PDE4D: variants seen among roughly 807,000 people sequenced by gnomAD.
PDE4D encodes phosphodiesterase 4D.
A neutral mutation model predicts 87.4 loss-of-function variants in PDE4D; 24 were observed. The ratio of observed to expected loss-of-function variants is 0.27; its 90% confidence interval spans 0.20 to 0.39. The LOEUF (loss-of-function observed/expected upper bound fraction) is 0.39, where lower values mean the gene tolerates loss of function less well. Ranked by LOEUF, PDE4D falls within the 10% of genes least tolerant of loss-of-function variation. The pLI is 1.00. For missense variants in PDE4D, 714 were observed against 1,041.0 expected (o/e 0.69, Z 4.32); for synonymous variants, 384 against 383.2 (o/e 1.00, Z -0.02).
At chr5:59,070,216 G>T (rs911746730) in intron 5 of PDE4D, among the ~76,000 whole-genome samples, 24 of 152,084 alleles carry the variant, frequency 1.6e-4, no homozygotes, top group African/African-American at 4.8e-4. Context: ...GTTTCAATTT[G>T]AACTTATTAC....
In PDE4D at chr5:59,422,068, CCAGTAAGAGTACAAAAATAGG is replaced by C. The variant is rs1448076923; in HGVS notation, c.456-206121_456-206101del. ...CAACTGCTCAAAAGGAGACAAGAACCCAGTAAGAGTACAAAAATAGGCACCTAACATAGTCTGAGCGTTTGG... is the reference window on the plus strand; with the variant it reads ...CAACTGCTCAAAAGGAGACAAGAACCCACCTAACATAGTCTGAGCGTTTGG... On this transcript the variant is annotated intron_variant, in intron 1 of 14. Coordinates refer to ENST00000340635, the MANE Select transcript of PDE4D (RefSeq NM_001104631.2). Among the ~76,000 whole-genome samples the C allele has an allele frequency of 3.9e-5, 6 of 152,126 alleles. No individual in the cohort carries two copies. The East Asian group carries it at 1.2e-3, about 29-fold the overall frequency.
At chr5:59,528,688 G>C (rs1156455598) in intron 1 of PDE4D, among the ~76,000 whole-genome samples, 1 of 152,202 alleles carries the variant, frequency 6.6e-6, no homozygotes, top group Non-Finnish European at 1.5e-5. Flanking sequence ...ACAAAAGGAG[G>C]TTATGAGATA....
At chr5:60,464,140 C>T (rs994216416) in intron 1 of PDE4D, among the ~76,000 whole-genome samples, 1 of 152,046 alleles carries the variant, frequency 6.6e-6, no homozygotes, top group African/African-American at 2.4e-5. Context: ...TCAATGTCTC[C>T]AGGAAGCCAT....
chr5:59,255,850 C>A (rs991764500), intron 1 of PDE4D, among the ~76,000 whole-genome samples: 4 of 151,858 alleles, frequency 2.6e-5, no homozygotes, highest in Non-Finnish European at 4.4e-5. Context: ...AAAAATAATA[C>A]AATAGTAAAT....
chr5:60,289,012 A>G (rs2149766827), intron 1 of PDE4D, among the ~76,000 whole-genome samples: 1 of 152,304 alleles, frequency 6.6e-6, no homozygotes, highest in South Asian at 2.1e-4. Context: ...AACATGTATA[A>G]CTATATTTGA....
At chr5:59,295,016 CT>C (rs1768780684) in intron 1 of PDE4D, among the ~76,000 whole-genome samples, 1 of 152,118 alleles carries the variant, frequency 6.6e-6, no homozygotes, top group African/African-American at 2.4e-5. Context: ...GTTTCAGATA[CT>C]GATAGAAAAT....
chr5:59,946,700 C>A (rs968279843), intron 3 of PDE4D, among the ~76,000 whole-genome samples: 1 of 152,202 alleles, frequency 6.6e-6, no homozygotes, highest in African/African-American at 2.4e-5. Context: ...CAGACCCAGG[C>A]CTTCACTTGC....
intron 1 of PDE4D, among the ~76,000 whole-genome samples, chr5:59,472,953 A>G (rs1802680208): frequency 2.0e-5 from 3 of 152,046 alleles, no homozygotes; most frequent in Admixed American, 2.0e-4. Context: ...TCTCTCTTTA[A>G]TCCCATCAGA....
At chr5:60,492,395 G>T (rs1749580957), upstream of PDE4D, among the ~76,000 whole-genome samples, 1 of 152,140 alleles carries the variant, frequency 6.6e-6, no homozygotes, top group African/African-American at 2.4e-5. Flanking sequence ...CTATGGTTGT[G>T]CTATTGCACT....
At chr5:59,812,109 T>C (rs1247248886) in intron 1 of PDE4D, among the ~76,000 whole-genome samples, 1 of 152,208 alleles carries the variant, frequency 6.6e-6, no homozygotes, top group Non-Finnish European at 1.5e-5. Flanking sequence ...TCTACTATGT[T>C]CTCCTGAGCC....
At chr5:59,531,602 G>C (rs1477957062) in intron 1 of PDE4D, among the ~76,000 whole-genome samples, 1 of 152,188 alleles carries the variant, frequency 6.6e-6, no homozygotes, top group Non-Finnish European at 1.5e-5. Context: ...AGTGGGCTAA[G>C]GGAGAATCTG....
intron 1 of PDE4D, among the ~76,000 whole-genome samples, chr5:60,352,397 C>T (rs763401261): frequency 2.0e-5 from 3 of 152,208 alleles, no homozygotes; most frequent in South Asian, 4.1e-4. Flanking sequence ...AAAGTATTTT[C>T]TGCCACTTTT....
chr5:59,985,123 C>CTTTTTTTT (rs1561944275), intron 3 of PDE4D, among the ~76,000 whole-genome samples: 2 of 80,316 alleles, frequency 2.5e-5, no homozygotes, highest in East Asian at 1.4e-3. Context: ...CTTCACCTTT[C>CTTTTTTTT]GTTTTTTGTT....
intron 1 of PDE4D, among the ~76,000 whole-genome samples, chr5:60,235,245 T>C (rs533125492): frequency 6.6e-6 from 1 of 151,926 alleles, no homozygotes; most frequent in African/African-American, 2.4e-5. Flanking sequence ...TGTATTTTCT[T>C]ATTTATATTT....
intron 2 of PDE4D, among the ~76,000 whole-genome samples, chr5:59,202,211 T>C (rs1019811393): frequency 6.6e-6 from 1 of 151,900 alleles, no homozygotes; most frequent in African/African-American, 2.4e-5. Flanking sequence ...AGCTAATTTT[T>C]TTGTATTTTT....
At position 59,916,266 on chromosome 5, in the gene PDE4D, GA is replaced by G. The variant is rs1386345296; in HGVS notation, c.272+72221del. On this transcript the variant is annotated intron_variant, in intron 3 of 16. Transcript: ENST00000502484. Reference sequence around the variant, plus strand: ...ATGCAACAAGCTCACATGTCATCAGGAAATACTAATTAGCATTTTCTATAAC... The same window carrying G: ...ATGCAACAAGCTCACATGTCATCAGGAATACTAATTAGCATTTTCTATAAC... Among the ~76,000 whole-genome samples the G allele has an allele frequency of 6.6e-5, 10 of 152,244 alleles. 1 individual carries two copies. In the East Asian group the frequency reaches 1.5e-3, roughly 24 times the overall value.
intron 3 of PDE4D, among the ~76,000 whole-genome samples, chr5:59,979,016 T>G (rs1230127688): frequency 6.6e-6 from 1 of 152,220 alleles, no homozygotes; most frequent in Non-Finnish European, 1.5e-5. Context: ...ACATAAGTTT[T>G]ATATGCACTG....
chr5:59,460,515 A>ACAC (rs144251521), intron 1 of PDE4D, among the ~76,000 whole-genome samples: 3,034 of 152,248 alleles, frequency 0.02, 103 homozygotes, highest in African/African-American at 0.07. Flanking sequence ...AAGCAAGAGA[A>ACAC]CACCATGAGT....
chr5:60,382,643 C>T (rs1171866725), intron 1 of PDE4D, among the ~76,000 whole-genome samples: 5 of 152,276 alleles, frequency 3.3e-5, no homozygotes, highest in East Asian at 1.9e-4. Flanking sequence ...CCCATTTCAC[C>T]GGAAGAGGCA....
Sources: gnomAD v4.1 joint callset for allele counts (sites outside exome capture counted in the v4.1 genomes callset) on GRCh38, gnomAD v4.1.1 for gene constraint, MANE v1.5 for transcripts, NCBI Gene and HGNC (gene_info 2026-07-23, HGNC 2026-07-21) for gene names.